KCNQ1: variants seen among roughly 807,000 people sequenced by gnomAD.
KCNQ1 encodes potassium voltage-gated channel subfamily KQT member 1.
KCNQ1 carries 49 observed loss-of-function variants against 72.4 expected under a neutral mutation model. The observed-to-expected ratio is 0.68, with a 90% CI of 0.54 to 0.86. KCNQ1 has a LOEUF of 0.86. Among genes scored for constraint, KCNQ1 ranks in the 40% least tolerant of loss-of-function variants. KCNQ1 has a pLI of 0.00. For synonymous variants in KCNQ1, 450 were observed against 412.6 expected, an observed-to-expected ratio of 1.09 and a Z score of -1.10; for missense variants, 790 against 945.1, an observed-to-expected ratio of 0.84 and a Z score of 2.15.
chr11:2,532,704 T>TC (rs1847661711), intron 2 of KCNQ1, among the ~76,000 whole-genome samples: 1 of 152,008 alleles, frequency 6.6e-6, no homozygotes, highest in Admixed American at 6.5e-5. Context: ...CAGGGACCCC[T>TC]CCCAGGGCTC....
At chr11:2,736,718 G>A (rs1369419539) in intron 11 of KCNQ1, among the ~76,000 whole-genome samples, 5 of 152,246 alleles carry the variant, frequency 3.3e-5, no homozygotes, top group East Asian at 3.8e-4. Context: ...AGCAAAGGGC[G>A]GCTTCCCATT....
chr11:2,740,520 G>A (rs1006490415), intron 11 of KCNQ1, among the ~76,000 whole-genome samples: 17 of 152,172 alleles, frequency 1.1e-4, no homozygotes, highest in African/African-American at 2.2e-4. Flanking sequence ...GGCAGGCCCC[G>A]AATGTGAGCG....
Position 2,450,855 on chromosome 11 carries a change from C to T in KCNQ1, c.386+5371C>T, listed in dbSNP as rs1377860865. 6.6e-6 allele frequency among the ~76,000 whole-genome samples: 1 copy of T among 152,168 alleles called. No homozygotes were observed. Among genetic ancestry groups the T allele is most frequent in the Non-Finnish European group, 1.5e-5 (1 of 68,028 alleles). On this transcript the variant is annotated intron_variant, in intron 1 of 15. Coordinates refer to ENST00000155840, the MANE Select transcript of KCNQ1 (RefSeq NM_000218.3). This position sits in a 1 kb window ranked among gnomAD's most constrained non-coding sequence, Gnocchi z 7.9. ...CATCTGACCATGTGATAGGGTGTGG[C>T]TTCTGCTGCCTGGCCCAGCCCTCTT...
rs570433436 is a variant in KCNQ1, at chr11:2,817,839, A to G, written c.1795-29928A>G. 1.3e-4 allele frequency among the ~76,000 whole-genome samples: 20 copies of G among 152,256 alleles called. No homozygotes were observed. Among genetic ancestry groups the G allele is most frequent in the African/African-American group, 4.8e-4 (20 of 41,550 alleles). ...GGAGAGATCCTGAATCCAGAGTCAC[A>G]TGTATGTTAGAAACCTCTGGCACTC... On this transcript the variant is annotated intron_variant, in intron 15 of 15. Coordinates refer to ENST00000155840, the MANE Select transcript of KCNQ1 (RefSeq NM_000218.3). This position sits in a 1 kb window ranked among gnomAD's most constrained non-coding sequence, Gnocchi z 6.1.
intron 10 of KCNQ1, chr11:2,637,288 A>G (rs1315893497): frequency 1.3e-5 from 2 of 152,180 alleles, no homozygotes; most frequent in Non-Finnish European, 2.9e-5. Flanking sequence ...CATCAATTTT[A>G]GATTTTTCCT....
intron 10 of KCNQ1, chr11:2,641,684 G>T (rs979286686): frequency 5.8e-5 from 23 of 397,950 alleles, no homozygotes; most frequent in Non-Finnish European, 8.9e-5. Context: ...GTGTTTTTGA[G>T]GTCTTATCCA....
At position 2,642,756 on chromosome 11, in the gene KCNQ1, G is replaced by T; in HGVS notation, c.1394-19205G>T. 5.0e-6 allele frequency: 2 copies of T among 397,660 alleles called. No individual in the cohort carries two copies. The highest frequency in any genetic ancestry group is 8.8e-5 in the Admixed American group (2 of 22,704). The allele number at this position is 397,660 out of a possible 1,614,324, so 24.6% of individuals were successfully genotyped here. A position where few individuals can be genotyped will look rare whatever the true frequency, so the allele number is the denominator to read the frequency against. ...TCTGGTTCCTTCAGGTGTATCATTA[G>T]ATTATTTAAGATCTTTTCTACCTTT... On this transcript the variant is annotated intron_variant, in intron 10 of 15. Coordinates refer to ENST00000155840, the MANE Select transcript of KCNQ1 (RefSeq NM_000218.3). The surrounding 1 kb of genome is among the most constrained non-coding windows in gnomAD (Gnocchi z 4.3).
chr11:2,449,912 G>A (rs909639882), intron 1 of KCNQ1, among the ~76,000 whole-genome samples: 1 of 152,176 alleles, frequency 6.6e-6, no homozygotes, highest in Non-Finnish European at 1.5e-5. Context: ...ACAGGGCAGC[G>A]GGTCCAGGGA....
chr11:2,779,309 C>T (rs1023677526), intron 15 of KCNQ1, among the ~76,000 whole-genome samples: 7 of 152,174 alleles, frequency 4.6e-5, no homozygotes, highest in African/African-American at 1.2e-4. Flanking sequence ...TTTCTCTTTG[C>T]GCAAGGGCTG....
chr11:2,615,808 T>C, intron 10 of KCNQ1: 1 of 398,064 alleles, frequency 2.5e-6, no homozygotes, highest in Non-Finnish European at 4.4e-6. Context: ...AATAAAAGAT[T>C]TTAGTATCTA....
intron 6 of KCNQ1, among the ~76,000 whole-genome samples, chr11:2,578,463 C>T (rs963388847): frequency 3.9e-5 from 6 of 152,248 alleles, no homozygotes; most frequent in African/African-American, 1.4e-4. Flanking sequence ...CTGCCTGGAC[C>T]TCTGTGTGCT....
chr11:2,742,721 C>T (rs1184640904), intron 11 of KCNQ1, among the ~76,000 whole-genome samples: 1 of 152,254 alleles, frequency 6.6e-6, no homozygotes, highest in Non-Finnish European at 1.5e-5. Flanking sequence ...GCCTTCCCCT[C>T]CCCATGTGCT....
At chr11:2,476,192 A>G (rs947271968) in intron 1 of KCNQ1, among the ~76,000 whole-genome samples, 3 of 152,240 alleles carry the variant, frequency 2.0e-5, no homozygotes, top group Non-Finnish European at 2.9e-5. Context: ...ACACTCACAA[A>G]CATTGATCAT....
intron 10 of KCNQ1, chr11:2,609,873 T>G: frequency 2.5e-6 from 1 of 398,168 alleles, no homozygotes; most frequent in Non-Finnish European, 4.4e-6. Context: ...ATATATCTTT[T>G]TCCATCCTTT....
chr11:2,485,606 T>C (rs1289517100), intron 1 of KCNQ1, among the ~76,000 whole-genome samples: 1 of 152,186 alleles, frequency 6.6e-6, no homozygotes, highest in Non-Finnish European at 1.5e-5. Context: ...TTGATTTTGT[T>C]ATGCAACCAT....
Position 2,733,836 on chromosome 11 carries a change from T to A in KCNQ1, c.1515-35008T>A, listed in dbSNP as rs1449178482. Among the ~76,000 whole-genome samples, 155 of 36,078 alleles carry A rather than the reference T, an allele frequency of 4.3e-3. 1 individual carries two copies. The highest frequency in any genetic ancestry group is 0.026 in the African/African-American group (129 of 4,912). 23.7% of individuals were successfully genotyped at this position (36,078 alleles called of 152,430 possible). ...CACACTCTCTCACTCTCTCTCTCTC[T>A]CTCTCTCTCTCTCTCTCTCTCCCCC... On this transcript the variant is annotated intron_variant, in intron 11 of 15. Transcript: ENST00000155840.
In KCNQ1 at chr11:2,677,856, C is replaced by T. The variant is rs1850321224; in HGVS notation, c.1514+15775C>T. 1.0e-5 allele frequency: 4 copies of T among 398,478 alleles called. No homozygotes were observed. In the East Asian group the frequency reaches 1.4e-4, roughly 14 times the overall value. The allele number at this position is 398,478 out of a possible 1,614,324, so 24.7% of individuals were successfully genotyped here. On this transcript the variant is annotated intron_variant, in intron 11 of 15. Transcript: ENST00000155840. This position sits in a 1 kb window ranked among gnomAD's most constrained non-coding sequence, Gnocchi z 4.5. ...CAAATAAGGGCTGTACCATTTACAT[C>T]ACTTTGACTGCACAAATGCACTTTC...
chr11:2,812,740 G>A (rs562930234), intron 15 of KCNQ1, among the ~76,000 whole-genome samples: 11 of 152,238 alleles, frequency 7.2e-5, no homozygotes, highest in African/African-American at 4.8e-5. Flanking sequence ...TTCCATGGCC[G>A]TGGGCCCCAC....
chr11:2,845,466 G>A (rs1848307623), intron 15 of KCNQ1, among the ~76,000 whole-genome samples: 1 of 152,204 alleles, frequency 6.6e-6, no homozygotes, highest in Non-Finnish European at 1.5e-5. Context: ...CGGGTCCTTG[G>A]GTGTGAGAGA....
Sources: allele counts gnomAD v4.1 joint callset (sites outside exome capture counted in the v4.1 genomes callset), GRCh38; gene constraint gnomAD v4.1.1; non-coding constraint Gnocchi (gnomAD v3.1); transcripts MANE v1.5; gene names NCBI Gene and HGNC (gene_info 2026-07-23, HGNC 2026-07-21).